The following SRGAP1 variants were observed in gnomAD, a reference collection of about 807,000 sequenced individuals.
SRGAP1 encodes the protein SLIT-ROBO Rho GTPase-activating protein 1.
A neutral mutation model predicts 121.9 loss-of-function variants in SRGAP1; 43 were observed. That is an observed-to-expected ratio of 0.35 (90% confidence interval 0.28 to 0.46). The LOEUF is 0.46. Ranked by LOEUF, SRGAP1 falls within the 20% of genes least tolerant of loss-of-function variation. The probability of loss-of-function intolerance (pLI) is 1.00; values close to 1 mark genes in which losing one functional copy is unlikely to be tolerated. For missense variants in SRGAP1, 1,102 were observed against 1,350.9 expected, an observed-to-expected ratio of 0.82 and a Z score of 2.89; for synonymous variants, 447 against 485.4, an observed-to-expected ratio of 0.92 and a Z score of 1.04.
chr12:63,949,793 A>T (rs1423000301), intron 1 of SRGAP1, among the ~76,000 whole-genome samples: 1 of 152,190 alleles, frequency 6.6e-6, no homozygotes, highest in African/African-American at 2.4e-5. Flanking sequence ...GTGAGTACTC[A>T]TCATTACTGA....
chr12:64,091,827 C>A (rs2036058736), intron 12 of SRGAP1: 1 of 1,303,220 alleles, frequency 7.7e-7, no homozygotes, highest in Non-Finnish European at 1.1e-6. Flanking sequence ...TGATCTATAC[C>A]TTGTACCTCT....
chr12:64,063,613 G>A (rs1029566927), intron 7 of SRGAP1, among the ~76,000 whole-genome samples: 1 of 151,964 alleles, frequency 6.6e-6, no homozygotes, highest in Non-Finnish European at 1.5e-5. Flanking sequence ...AATTATGACT[G>A]TTTTAGATCC....
At chr12:63,874,360 T>C (rs1384723032) in intron 1 of SRGAP1, among the ~76,000 whole-genome samples, 1 of 152,062 alleles carries the variant, frequency 6.6e-6, no homozygotes, top group Non-Finnish European at 1.5e-5. Context: ...CCTGCCACCA[T>C]GCCTGGCTAA....
At chr12:63,862,069 C>T (rs12426139) in intron 1 of SRGAP1, among the ~76,000 whole-genome samples, 4 of 152,066 alleles carry the variant, frequency 2.6e-5, no homozygotes, top group Non-Finnish European at 5.9e-5. Flanking sequence ...TGCAGTGAGC[C>T]GAGATCACGC....
chr12:63,862,181 CA>C (rs1381009422), intron 1 of SRGAP1, among the ~76,000 whole-genome samples: 1 of 152,148 alleles, frequency 6.6e-6, no homozygotes, highest in Non-Finnish European at 1.5e-5. Flanking sequence ...AAAATTAAAA[CA>C]TTTTTAGAAC....
intron 12 of SRGAP1, among the ~76,000 whole-genome samples, chr12:64,094,038 A>G (rs571703383): frequency 6.6e-6 from 1 of 152,266 alleles, no homozygotes; most frequent in African/African-American, 2.4e-5. Context: ...TCAGCTAACC[A>G]TTTTCGAGCC....
At chr12:63,873,489 A>G (rs1899923110) in intron 1 of SRGAP1, among the ~76,000 whole-genome samples, 1 of 150,234 alleles carries the variant, frequency 6.7e-6, no homozygotes. Context: ...GCCGAGATTG[A>G]GCCATTCCAC....
chr12:63,877,660 G>T (rs367670760), intron 1 of SRGAP1, among the ~76,000 whole-genome samples: 1 of 152,132 alleles, frequency 6.6e-6, no homozygotes, highest in Non-Finnish European at 1.5e-5. Flanking sequence ...TAAAATTTGG[G>T]TATAAAACTT....
At chr12:64,085,520 C>T (rs2035921537) in intron 10 of SRGAP1, among the ~76,000 whole-genome samples, 1 of 152,116 alleles carries the variant, frequency 6.6e-6, no homozygotes, top group Non-Finnish European at 1.5e-5. Context: ...TGGTGACTCT[C>T]ACATCTTTAT....
At chr12:64,064,931 T>C (rs1232101823) in intron 7 of SRGAP1, among the ~76,000 whole-genome samples, 187 bp from the exon 8 acceptor site, 1 of 152,262 alleles carries the variant, frequency 6.6e-6, no homozygotes, top group Non-Finnish European at 1.5e-5. Flanking sequence ...AGCTGCATTC[T>C]GCTATTGCAG....
intron 18 of SRGAP1, among the ~76,000 whole-genome samples, chr12:64,117,080 G>A (rs1354005039): frequency 6.6e-6 from 1 of 152,200 alleles, no homozygotes; most frequent in Admixed American, 6.5e-5. Context: ...TGGAGTGGGA[G>A]AGCCTGATAA....
chr12:63,928,779 G>T (rs560117125), intron 1 of SRGAP1, among the ~76,000 whole-genome samples: 1 of 152,304 alleles, frequency 6.6e-6, no homozygotes, highest in East Asian at 1.9e-4. Flanking sequence ...GAACTGGACA[G>T]TTCTGTCTGG....
At chr12:63,946,319 A>C (rs1217058776) in intron 1 of SRGAP1, among the ~76,000 whole-genome samples, 4 of 146,602 alleles carry the variant, frequency 2.7e-5, no homozygotes, top group Non-Finnish European at 5.9e-5. Context: ...AGTTTTATGC[A>C]GGCATAATTG....
At position 64,044,769 on chromosome 12, in the gene SRGAP1, C is replaced by T. The variant is rs116147555; in HGVS notation, c.801+1194C>T. ...CTATCGCGGCTTACTTAACCTCTGC[C>T]TCCTGGGTTCAAGCGATTCTTTTGC... On this transcript the variant is annotated intron_variant, in intron 6 of 21. Coordinates refer to ENST00000355086, the MANE Select transcript of SRGAP1 (RefSeq NM_020762.4). Among the ~76,000 whole-genome samples the T allele has an allele frequency of 5.2e-3, 767 of 146,304 alleles. 10 individuals are homozygous for T. Among genetic ancestry groups the T allele is most frequent in the African/African-American group, 0.018 (725 of 40,132 alleles).
At chr12:63,925,215 C>A (rs552630524) in intron 1 of SRGAP1, among the ~76,000 whole-genome samples, 1 of 152,260 alleles carries the variant, frequency 6.6e-6, no homozygotes, top group Admixed American at 6.5e-5. Context: ...GCAAATCATA[C>A]CAGCATTCAT....
chr12:64,097,435 GA>G, intron 15 of SRGAP1, 60 bp downstream of exon 15: 2 of 1,580,564 alleles, frequency 1.3e-6, no homozygotes, highest in African/African-American at 1.4e-5. Context: ...TAACTTCCTG[GA>G]AAAGGCAGTG....
At chr12:63,918,589 G>A (rs2030896162) in intron 1 of SRGAP1, among the ~76,000 whole-genome samples, 1 of 152,046 alleles carries the variant, frequency 6.6e-6, no homozygotes, top group Non-Finnish European at 1.5e-5. Flanking sequence ...GTTAATTTGT[G>A]TATTTTTTGT....
intron 6 of SRGAP1, among the ~76,000 whole-genome samples, chr12:64,058,295 A>T (rs186536256): frequency 6.6e-6 from 1 of 152,184 alleles, no homozygotes; most frequent in Non-Finnish European, 1.5e-5. Flanking sequence ...CAATAAGTTT[A>T]TTGGGGCATT....
chr12:64,031,769 T>G (rs762299408), intron 4 of SRGAP1, among the ~76,000 whole-genome samples: 8 of 152,150 alleles, frequency 5.3e-5, no homozygotes, highest in Non-Finnish European at 1.0e-4. Flanking sequence ...CGCCTCTACT[T>G]TGTACTTTGT....
Sources: allele counts gnomAD v4.1 joint callset (sites outside exome capture counted in the v4.1 genomes callset), GRCh38; gene constraint gnomAD v4.1.1; transcripts MANE v1.5; gene names NCBI Gene and HGNC (gene_info 2026-07-23, HGNC 2026-07-21).